Variants in DOCK10 observed in about 807,000 individuals in gnomAD.
DOCK10 encodes the protein dedicator of cytokinesis 10.
Under a neutral mutation model 280.1 loss-of-function variants are expected in DOCK10, and 145 were observed. That is an observed-to-expected ratio of 0.52 (90% CI 0.45 to 0.59). DOCK10 has a LOEUF of 0.59. Among genes scored for constraint, DOCK10 ranks in the 20% least tolerant of loss-of-function variants. The probability of loss-of-function intolerance (pLI) is 0.00; values close to 1 mark genes in which losing one functional copy is unlikely to be tolerated. For missense variants in DOCK10, 2,368 were observed against 2,651.7 expected, an observed-to-expected ratio of 0.89 and a Z score of 2.35; for synonymous variants, 915 against 942.2, an observed-to-expected ratio of 0.97 and a Z score of 0.53.
intron 1 of DOCK10, among the ~76,000 whole-genome samples, chr2:225,018,673 T>TTA (rs538352797): frequency 8.1e-6 from 1 of 124,184 alleles, no homozygotes; most frequent in Admixed American, 8.7e-5. Flanking sequence ...ATATGTAATA[T>TTA]TATATATATA....
intron 1 of DOCK10, among the ~76,000 whole-genome samples, chr2:225,009,792 C>T (rs531570285): frequency 3.3e-5 from 5 of 152,154 alleles, no homozygotes; most frequent in Non-Finnish European, 7.3e-5. Flanking sequence ...CTCAATAGTA[C>T]GCTGGAGTCC....
chr2:224,868,831 A>C (rs1698088631), intron 11 of DOCK10, among the ~76,000 whole-genome samples: 1 of 152,318 alleles, frequency 6.6e-6, no homozygotes, highest in South Asian at 2.1e-4. Context: ...AGAGTTGAAA[A>C]ATGCAAAAAT....
chr2:224,802,984 G>A (rs1206088304), intron 39 of DOCK10, among the ~76,000 whole-genome samples: 2 of 152,078 alleles, frequency 1.3e-5, no homozygotes, highest in Admixed American at 1.3e-4. Context: ...GGGGAGCCTG[G>A]GTCATTCCTG....
chr2:224,987,558 G>A (rs1706006375), intron 1 of DOCK10, among the ~76,000 whole-genome samples: 2 of 152,174 alleles, frequency 1.3e-5, no homozygotes, highest in Non-Finnish European at 2.9e-5. Context: ...TTTGGCCAGT[G>A]GGGATGGGGT....
At chr2:224,949,555 A>C (rs1703613666) in intron 1 of DOCK10, among the ~76,000 whole-genome samples, 1 of 152,226 alleles carries the variant, frequency 6.6e-6, no homozygotes, top group African/African-American at 2.4e-5. Context: ...GATATCTCTA[A>C]GGTAGGCTTT....
chr2:224,772,409 T>C (rs764188710), intron 53 of DOCK10, among the ~76,000 whole-genome samples: 17 of 152,214 alleles, frequency 1.1e-4, no homozygotes, highest in Non-Finnish European at 2.2e-4. Flanking sequence ...GTGAGTGCCT[T>C]ACTCACCTCA....
chr2:224,774,768 C>CA, intron 52 of DOCK10, 137 bp downstream of exon 52: 1 of 780,378 alleles, frequency 1.3e-6, no homozygotes, highest in Non-Finnish European at 2.0e-6. Context: ...CTCTTCTTGG[C>CA]AAACATTTCC....
intron 8 of DOCK10, among the ~76,000 whole-genome samples, chr2:224,875,823 C>T (rs1385982537): frequency 2.0e-5 from 3 of 152,154 alleles, no homozygotes; most frequent in African/African-American, 7.2e-5. Context: ...GGGGGAAAGC[C>T]TCAGATCGTT....
intron 1 of DOCK10, among the ~76,000 whole-genome samples, chr2:224,966,369 C>T (rs2126190274): frequency 6.9e-6 from 1 of 144,752 alleles, no homozygotes; most frequent in African/African-American, 2.6e-5. Flanking sequence ...ATAATGGCCT[C>T]TTTGCATTAG....
chr2:224,902,304 T>C (rs1338663347), intron 3 of DOCK10, among the ~76,000 whole-genome samples: 3 of 152,224 alleles, frequency 2.0e-5, no homozygotes, highest in Admixed American at 2.0e-4. Flanking sequence ...TTTCTGGCTA[T>C]AGAGGTTTAT....
At chr2:225,005,717 C>A (rs1430109050) in intron 1 of DOCK10, among the ~76,000 whole-genome samples, 1 of 152,196 alleles carries the variant, frequency 6.6e-6, no homozygotes, top group Non-Finnish European at 1.5e-5. Context: ...CAAGCCCACT[C>A]GGTCTTTGTG....
chr2:224,905,328 A>G (rs1288443887), intron 3 of DOCK10, among the ~76,000 whole-genome samples: 1 of 147,004 alleles, frequency 6.8e-6, no homozygotes, highest in African/African-American at 2.7e-5. Context: ...GCTCACTGCA[A>G]GCTCCGCTTC....
chr2:224,867,394 C>T (rs999737028), intron 11 of DOCK10, among the ~76,000 whole-genome samples: 4 of 152,228 alleles, frequency 2.6e-5, no homozygotes, highest in African/African-American at 7.2e-5. Flanking sequence ...TGTATCACAA[C>T]ACACCCACGA....
intron 3 of DOCK10, among the ~76,000 whole-genome samples, chr2:224,911,338 A>G (rs975588270): frequency 1.3e-5 from 2 of 152,210 alleles, no homozygotes; most frequent in Admixed American, 6.5e-5. Flanking sequence ...CGGATAGATG[A>G]AAAGATCTAT....
At position 224,837,896 on chromosome 2, in the gene DOCK10, C is replaced by T. The variant is rs1204925574; in HGVS notation, c.2781-65G>A. 4 of 1,220,206 alleles carry T rather than the reference C, an allele frequency of 3.3e-6. No homozygotes were observed. In the African/African-American group the frequency reaches 6.0e-5, roughly 18 times the overall value. The allele number at this position is 1,220,206 out of a possible 1,614,324, so 75.6% of individuals were successfully genotyped here. Reference sequence around the variant, plus strand: ...GCAGAAAAACCCCGCTTTAGTTTGTCATTACAGTGCTTTGTAAATTGGGTA... The same window carrying T: ...GCAGAAAAACCCCGCTTTAGTTTGTTATTACAGTGCTTTGTAAATTGGGTA... On this transcript the variant is annotated intron_variant, in intron 24 of 55. Coordinates refer to ENST00000258390, the MANE Select transcript of DOCK10 (RefSeq NM_014689.3).
chr2:224,921,175 A>T (rs1279617061), intron 2 of DOCK10, among the ~76,000 whole-genome samples: 1 of 137,960 alleles, frequency 7.2e-6, no homozygotes, highest in Non-Finnish European at 1.5e-5. Context: ...GGTGGCGGGC[A>T]CCTGTAATCC....
chr2:224,793,783 A>G (rs1157370164), intron 45 of DOCK10, among the ~76,000 whole-genome samples: 1 of 152,206 alleles, frequency 6.6e-6, no homozygotes, highest in East Asian at 1.9e-4. Flanking sequence ...TTTAAAATTA[A>G]AACTATAACT....
chr2:224,967,835 A>G (rs151207494), intron 1 of DOCK10, among the ~76,000 whole-genome samples: 1,766 of 152,152 alleles, frequency 0.012, 14 homozygotes, highest in Non-Finnish European at 0.014. Flanking sequence ...AATGACCTCA[A>G]ATGTTTTCAA....
chr2:224,926,890 A>C (rs1377808245), intron 2 of DOCK10, among the ~76,000 whole-genome samples: 2 of 152,250 alleles, frequency 1.3e-5, no homozygotes, highest in African/African-American at 4.8e-5. Context: ...GTTCTGCTTT[A>C]GCTGCTGAAA....
Sources: allele counts gnomAD v4.1 joint callset (sites outside exome capture counted in the v4.1 genomes callset), GRCh38; gene constraint gnomAD v4.1.1; transcripts MANE v1.5; gene names NCBI Gene and HGNC (gene_info 2026-07-23, HGNC 2026-07-21).